GALNT13: variants seen among roughly 807,000 people sequenced by gnomAD.
The protein encoded by GALNT13 is polypeptide N-acetylgalactosaminyltransferase 13.
In GALNT13, 28 loss-of-function variants were observed where a neutral mutation model predicts 64.2. The observed-to-expected ratio is 0.44, with a 90% CI of 0.32 to 0.60. The LOEUF is 0.60. Among genes scored for constraint, GALNT13 ranks in the 20% least tolerant of loss-of-function variants. The pLI is 0.05. For synonymous variants in GALNT13, 214 were observed against 224.6 expected, an observed-to-expected ratio of 0.95 and a Z score of 0.42; for missense variants, 577 against 669.8, an observed-to-expected ratio of 0.86 and a Z score of 1.53.
At chr2:154,257,685 A>G (rs751081243) in intron 7 of GALNT13, 5 of 152,200 alleles carry the variant, frequency 3.3e-5, no homozygotes, top group African/African-American at 4.8e-5. Flanking sequence ...TGAGCATAAA[A>G]CAGTGAGAGC....
the GALNT13 span, among the ~76,000 whole-genome samples, chr2:153,075,320 A>G: frequency 1.3e-5 from 2 of 152,168 alleles, no homozygotes; most frequent in Admixed American, 1.3e-4. Flanking sequence ...AAGTTTTTTA[A>G]AAAGATAAAA....
chr2:154,311,450 G>T (rs932014230), intron 9 of GALNT13, among the ~76,000 whole-genome samples: 3 of 152,100 alleles, frequency 2.0e-5, no homozygotes, highest in Non-Finnish European at 4.4e-5. Flanking sequence ...TTTCAAAAGG[G>T]GAGGGAGTAT....
At chr2:154,244,330 A>G (rs1689659193) in intron 6 of GALNT13, among the ~76,000 whole-genome samples, 1 of 152,196 alleles carries the variant, frequency 6.6e-6, no homozygotes. Context: ...AAATCATTAA[A>G]TCTAATAAAG....
At chr2:153,217,866 T>C in the GALNT13 span, among the ~76,000 whole-genome samples, 1 of 152,162 alleles carries the variant, frequency 6.6e-6, no homozygotes, top group South Asian at 2.1e-4. Flanking sequence ...ATATGCCTCA[T>C]TATTTTTATT....
At chr2:153,861,559 C>CTTTTTTTTTTTTTTTTTTTTTTTT in the GALNT13 span, among the ~76,000 whole-genome samples, 4 of 118,202 alleles carry the variant, frequency 3.4e-5, no homozygotes, top group African/African-American at 1.3e-4. Flanking sequence ...TTCTTTCTTT[C>CTTTTTTTTTTTTTTTTTTTTTTTT]TTTTTTTTTT....
intron 10 of GALNT13, among the ~76,000 whole-genome samples, chr2:154,400,622 T>C (rs1425800368): frequency 3.3e-5 from 5 of 152,182 alleles, no homozygotes; most frequent in Non-Finnish European, 7.4e-5. Flanking sequence ...GTAATTGAAA[T>C]ATTACTTTAT....
At chr2:153,952,846 G>A (rs761645835) in intron 3 of GALNT13, among the ~76,000 whole-genome samples, 1 of 152,120 alleles carries the variant, frequency 6.6e-6, no homozygotes, top group African/African-American at 2.4e-5. Context: ...CAAACCACTG[G>A]TGTAAGTCCA....
the GALNT13 span, among the ~76,000 whole-genome samples, chr2:153,283,246 CAG>C: frequency 1.3e-5 from 2 of 152,234 alleles, 1 homozygote; most frequent in South Asian, 4.1e-4. Context: ...ACTAAGTGCC[CAG>C]AGCTGTGCCT....
chr2:154,208,624 CTGTGTGTG>C (rs57789546), intron 4 of GALNT13, among the ~76,000 whole-genome samples: 3,090 of 140,332 alleles, frequency 0.022, 50 homozygotes, highest in African/African-American at 0.037. Flanking sequence ...TTTTGCGTGT[CTGTGTGTG>C]TGTGTGTGTG....
chr2:153,156,781 A>C, the GALNT13 span, among the ~76,000 whole-genome samples: 1 of 152,202 alleles, frequency 6.6e-6, no homozygotes, highest in African/African-American at 2.4e-5. Context: ...GCTCTACTGC[A>C]GAATGAGGAT....
intron 8 of GALNT13, among the ~76,000 whole-genome samples, chr2:154,278,907 ATCATT>A (rs1266724870): frequency 6.6e-6 from 1 of 152,138 alleles, no homozygotes; most frequent in Non-Finnish European, 1.5e-5. Flanking sequence ...TGTATTTTCT[ATCATT>A]TCATTTTATC....
At chr2:153,905,697 A>C (rs1688513567) in intron 2 of GALNT13, among the ~76,000 whole-genome samples, 1 of 151,992 alleles carries the variant, frequency 6.6e-6, no homozygotes, top group African/African-American at 2.4e-5. Flanking sequence ...AGGACAGAAG[A>C]AGCATTCTTA....
At chr2:154,063,311 A>G (rs1395975013) in intron 3 of GALNT13, among the ~76,000 whole-genome samples, 1 of 152,182 alleles carries the variant, frequency 6.6e-6, no homozygotes, top group Non-Finnish European at 1.5e-5. Flanking sequence ...TTAGCATTTA[A>G]TGATGCAGTT....
intron 4 of GALNT13, among the ~76,000 whole-genome samples, chr2:154,154,395 A>T (rs558915279): frequency 3.9e-5 from 6 of 152,242 alleles, no homozygotes; most frequent in Admixed American, 1.3e-4. Flanking sequence ...TGGCCTGCAG[A>T]GGATGATGAA....
At chr2:153,731,851 A>G in the GALNT13 span, among the ~76,000 whole-genome samples, 2 of 151,960 alleles carry the variant, frequency 1.3e-5, no homozygotes, top group African/African-American at 4.8e-5. Context: ...CTTGCCAGAT[A>G]TAAGACTAAA....
At chr2:153,965,222 T>C (rs981509768) in intron 3 of GALNT13, among the ~76,000 whole-genome samples, 1 of 152,202 alleles carries the variant, frequency 6.6e-6, no homozygotes, top group African/African-American at 2.4e-5. Flanking sequence ...TCCTCTCTTC[T>C]AGTTATTTTT....
At chr2:154,419,964 C>G (rs1049122714) in intron 11 of GALNT13, among the ~76,000 whole-genome samples, 1 of 152,008 alleles carries the variant, frequency 6.6e-6, no homozygotes, top group Non-Finnish European at 1.5e-5. Flanking sequence ...TTCTATAAGG[C>G]TTAAACATTA....
chr2:153,506,943 T>A, the GALNT13 span, among the ~76,000 whole-genome samples: 2 of 152,212 alleles, frequency 1.3e-5, no homozygotes, highest in African/African-American at 4.8e-5. Context: ...TTTTCCAGAC[T>A]TTTAGATTTC....
the GALNT13 span, among the ~76,000 whole-genome samples, chr2:153,539,264 T>C: frequency 1.3e-5 from 2 of 152,172 alleles, no homozygotes; most frequent in Non-Finnish European, 2.9e-5. Flanking sequence ...GTAAATTTGT[T>C]TGAGTTCATT....
Sources: allele counts gnomAD v4.1 joint callset (sites outside exome capture counted in the v4.1 genomes callset), GRCh38; gene constraint gnomAD v4.1.1; transcripts MANE v1.5; gene names NCBI Gene and HGNC (gene_info 2026-07-23, HGNC 2026-07-21).